TULP4: variants seen among roughly 807,000 people sequenced by gnomAD.
TULP4 encodes the protein tubby-related protein 4.
Under a neutral mutation model 129.0 loss-of-function variants are expected in TULP4, and 16 were observed. The observed-to-expected ratio is 0.12, with a 90% CI of 0.08 to 0.19. The LOEUF is 0.19. Among genes scored for constraint, TULP4 ranks in the 10% least tolerant of loss-of-function variants. The pLI is 1.00. For synonymous variants in TULP4, 998 were observed against 854.0 expected, an observed-to-expected ratio of 1.17 and a Z score of -2.94; for missense variants, 1,842 against 2,059.1, an observed-to-expected ratio of 0.89 and a Z score of 2.04.
chr6:158,251,011 T>G lies in TULP4; in HGVS notation n.68+18708T>G, dbSNP rs115188748. Among the ~76,000 whole-genome samples, 1,182 of 152,266 alleles carry G rather than the reference T, an allele frequency of 7.8e-3. 14 individuals carry two copies. Among genetic ancestry groups the G allele is most frequent in the African/African-American group, 0.027 (1,136 of 41,544 alleles). ...CAGAATTGGTTTCGCTCCTTTGGTG[T>G]TGAGTGGTAGAGTGGACCCCAGATG... On this transcript the variant is annotated intron_variant and non_coding_transcript_variant, in intron 1 of 1. Coordinates refer to the TULP4 transcript ENST00000620026.
intron 1 of TULP4, among the ~76,000 whole-genome samples, chr6:158,412,065 A>G (rs1388774216): frequency 6.6e-6 from 1 of 152,152 alleles, no homozygotes; most frequent in Non-Finnish European, 1.5e-5. Flanking sequence ...TTTTATTGAT[A>G]TATGTCAGTA....
At chr6:158,421,287 G>A (rs1421865899) in intron 2 of TULP4, among the ~76,000 whole-genome samples, 3 of 152,068 alleles carry the variant, frequency 2.0e-5, no homozygotes, top group East Asian at 3.9e-4. Context: ...GCGTGAACCC[G>A]GGAGGCGGAG....
At chr6:158,287,832 C>T (rs189112739) in intron 1 of TULP4, among the ~76,000 whole-genome samples, 19 of 152,258 alleles carry the variant, frequency 1.2e-4, no homozygotes, top group Non-Finnish European at 2.5e-4. Context: ...AAGACTGGCA[C>T]AATAGGTAGG....
chr6:158,335,846 A>G (rs567491948), intron 1 of TULP4, among the ~76,000 whole-genome samples: 1 of 152,130 alleles, frequency 6.6e-6, no homozygotes, highest in Admixed American at 6.5e-5. Flanking sequence ...TTACCCAACA[A>G]CTCTCCAAGT....
rs189657901 is a variant in TULP4, at chr6:158,392,067, A to C, written c.253-20998A>C. ...AGACATACCCTAGACTGGGCAGTTT[A>C]CAAAAGAAAGGTTTAATGGACTTAC... On this transcript the variant is annotated intron_variant, in intron 1 of 13. Coordinates refer to ENST00000367097, the MANE Select transcript of TULP4 (RefSeq NM_020245.5). Among the ~76,000 whole-genome samples, 3 of 152,356 alleles carry C rather than the reference A, an allele frequency of 2.0e-5. No homozygotes were observed. The East Asian group carries it at 5.8e-4, about 29-fold the overall frequency.
upstream of TULP4, among the ~76,000 whole-genome samples, chr6:158,279,961 G>A (rs761435063): frequency 6.6e-5 from 10 of 152,176 alleles, no homozygotes; most frequent in South Asian, 2.1e-4. Context: ...GCGGCTAAAC[G>A]TGTGCCACTA....
At chr6:158,334,272 G>A (rs9364954) in intron 1 of TULP4, among the ~76,000 whole-genome samples, 142,232 of 152,296 alleles carry the variant, frequency 0.93, 66,494 homozygotes, top group Admixed American at 0.96. Context: ...CTTGATAGGT[G>A]CTGGAGACAG....
At chr6:158,266,884 G>A (rs1253771116) in intron 1 of TULP4, among the ~76,000 whole-genome samples, 2 of 152,140 alleles carry the variant, frequency 1.3e-5, no homozygotes, top group Non-Finnish European at 2.9e-5. Context: ...TCCTGTTGGT[G>A]TACAGCCATC....
In TULP4 at chr6:158,410,434, CAGAG is replaced by C. The variant is rs754672868; in HGVS notation, c.253-2626_253-2623del. 9.9e-5 allele frequency among the ~76,000 whole-genome samples: 15 copies of C among 152,226 alleles called. 2 individuals carry two copies. Among genetic ancestry groups the C allele is most frequent in the African/African-American group, 3.6e-4 (15 of 41,526 alleles). ...CATCTTGTCATCAAGTATTATTTTA[CAGAG>C]AGAGTCATAGTGGATGAGTATTCAT... On this transcript the variant is annotated intron_variant, in intron 1 of 13. Transcript: ENST00000367097.
upstream of TULP4, among the ~76,000 whole-genome samples, chr6:158,278,502 C>A (rs762224470): frequency 6.6e-6 from 1 of 150,440 alleles, no homozygotes; most frequent in Admixed American, 6.6e-5. Flanking sequence ...TTAAATTGAT[C>A]GAAAAGCTTA....
At chr6:158,338,962 G>A (rs1012547330) in intron 1 of TULP4, among the ~76,000 whole-genome samples, 5 of 152,222 alleles carry the variant, frequency 3.3e-5, no homozygotes, top group African/African-American at 1.2e-4. Context: ...TGAGCGGGCA[G>A]GCATTCCCTG....
At chr6:158,244,207 G>C (rs1777982759) in intron 1 of TULP4, among the ~76,000 whole-genome samples, 1 of 152,044 alleles carries the variant, frequency 6.6e-6, no homozygotes, top group Non-Finnish European at 1.5e-5. Context: ...TAATCTCATA[G>C]CTTCCTTGCT....
At chr6:158,279,177 C>A (rs1003800731), upstream of TULP4, among the ~76,000 whole-genome samples, 1 of 151,978 alleles carries the variant, frequency 6.6e-6, no homozygotes, top group Non-Finnish European at 1.5e-5. Context: ...CTCCTGACCT[C>A]GTGATCCGCC....
intron 3 of TULP4, among the ~76,000 whole-genome samples, chr6:158,433,428 A>C (rs544037766): frequency 4.6e-5 from 7 of 152,212 alleles, no homozygotes; most frequent in Non-Finnish European, 2.9e-5. Context: ...TGTAAAAACA[A>C]AAGTTGCTAG....
chr6:158,254,627 T>A (rs1386139355), intron 1 of TULP4, among the ~76,000 whole-genome samples: 2 of 152,258 alleles, frequency 1.3e-5, no homozygotes, highest in Non-Finnish European at 2.9e-5. Context: ...TTTCCACATA[T>A]GCCATTTCAT....
chr6:158,309,255 G>T (rs1181592463), upstream of TULP4, among the ~76,000 whole-genome samples: 7 of 134,446 alleles, frequency 5.2e-5, no homozygotes, highest in Non-Finnish European at 1.1e-4. Context: ...CCCAGACGGG[G>T]TCGCGGCCGG....
chr6:158,335,990 A>G (rs1398392751), intron 1 of TULP4, among the ~76,000 whole-genome samples: 1 of 152,228 alleles, frequency 6.6e-6, no homozygotes, highest in Non-Finnish European at 1.5e-5. Flanking sequence ...GTGAAGACAT[A>G]TATAGTTTTC....
intron 1 of TULP4, among the ~76,000 whole-genome samples, chr6:158,353,131 C>G (rs374941954): frequency 6.6e-6 from 1 of 152,162 alleles, no homozygotes; most frequent in African/African-American, 2.4e-5. Context: ...CATGGCTGTC[C>G]CCATCGACCT....
At position 158,425,536 on chromosome 6, in the gene TULP4, ATG is replaced by A. The variant is rs1440770033; in HGVS notation, c.382-4199_382-4198del. Among the ~76,000 whole-genome samples the A allele has an allele frequency of 3.2e-3, 340 of 107,736 alleles. 4 individuals are homozygous for A. Among genetic ancestry groups the A allele is most frequent in the African/African-American group, 0.013 (323 of 24,500 alleles). 70.7% of individuals were successfully genotyped at this position (107,736 alleles called of 152,430 possible). On this transcript the variant is annotated intron_variant, in intron 2 of 13. Transcript: ENST00000367097. ...CTCAAAAAAAAAAAAAAAAAAAAAAATGGCAGCCGACGCAAGTGTAAAATGAC... is the reference window on the plus strand; with the variant it reads ...CTCAAAAAAAAAAAAAAAAAAAAAAAGCAGCCGACGCAAGTGTAAAATGAC...
Sources: gnomAD v4.1 joint callset for allele counts (sites outside exome capture counted in the v4.1 genomes callset) on GRCh38, gnomAD v4.1.1 for gene constraint, MANE v1.5 for transcripts, NCBI Gene and HGNC (gene_info 2026-07-23, HGNC 2026-07-21) for gene names.